Variants in BFSP2 observed in about 807,000 individuals in gnomAD.
BFSP2 encodes beaded filament structural protein 2.
BFSP2 carries 38 observed loss-of-function variants against 44.9 expected under a neutral mutation model. That is an observed-to-expected ratio of 0.85 (90% confidence interval 0.65 to 1.11). BFSP2 has a LOEUF of 1.11. Ranked by LOEUF, BFSP2 falls within the 50% of genes least tolerant of loss-of-function variation. The pLI is 0.00. For synonymous variants in BFSP2, 197 were observed against 209.9 expected, an observed-to-expected ratio of 0.94 and a Z score of 0.53; for missense variants, 525 against 533.0, an observed-to-expected ratio of 0.99 and a Z score of 0.15.
rs139362289 is a variant in BFSP2, at chr3:133,446,654, G to A, written c.490-663G>A. On this transcript the variant is annotated intron_variant, in intron 1 of 6. Transcript: ENST00000302334. ...TATATATATATAAAGGAGTTTCTTG[G>A]GTTGAAGGGAGGACACCCCTCATTC... Among the ~76,000 whole-genome samples, 3 of 106,798 alleles carry A rather than the reference G, an allele frequency of 2.8e-5. No homozygotes were observed. In the East Asian group the frequency reaches 1.0e-3, roughly 36 times the overall value. 70.1% of individuals were successfully genotyped at this position (106,798 alleles called of 152,430 possible).
intron 1 of BFSP2, among the ~76,000 whole-genome samples, chr3:133,406,754 T>C (rs2073407987): frequency 6.6e-6 from 1 of 152,162 alleles, no homozygotes; most frequent in African/African-American, 2.4e-5. Flanking sequence ...TTAGAGGCAG[T>C]AGTCAATATG....
intron 1 of BFSP2, among the ~76,000 whole-genome samples, chr3:133,443,913 C>T (rs1247538474): frequency 6.6e-6 from 1 of 152,048 alleles, no homozygotes; most frequent in Non-Finnish European, 1.5e-5. Flanking sequence ...CTTGTATTTG[C>T]CTTTCCTTTA....
At chr3:133,407,039 A>C (rs2073410858) in intron 1 of BFSP2, among the ~76,000 whole-genome samples, 1 of 152,126 alleles carries the variant, frequency 6.6e-6, no homozygotes, top group Non-Finnish European at 1.5e-5. Flanking sequence ...CTACAACTGC[A>C]CTCCAGCCTG....
chr3:133,428,430 C>T (rs1449064347), intron 1 of BFSP2, among the ~76,000 whole-genome samples: 2 of 151,102 alleles, frequency 1.3e-5, no homozygotes, highest in Admixed American at 6.6e-5. Flanking sequence ...CCACAGGGCC[C>T]AGCTGTGGGG....
At chr3:133,435,579 A>C (rs2073772928) in intron 1 of BFSP2, among the ~76,000 whole-genome samples, 1 of 152,256 alleles carries the variant, frequency 6.6e-6, no homozygotes, top group Non-Finnish European at 1.5e-5. Context: ...TGAGCTGGGC[A>C]AAACAGTGTT....
intron 4 of BFSP2, among the ~76,000 whole-genome samples, chr3:133,464,767 TA>T (rs1171954368): frequency 1.3e-5 from 2 of 152,162 alleles, no homozygotes; most frequent in Non-Finnish European, 2.9e-5. Flanking sequence ...TAATGAGTAT[TA>T]TTCTCCATTC....
At chr3:133,405,730 G>A (rs889467573) in intron 1 of BFSP2, among the ~76,000 whole-genome samples, 6 of 152,200 alleles carry the variant, frequency 3.9e-5, no homozygotes, top group African/African-American at 9.6e-5. Flanking sequence ...GTCAGAGCAG[G>A]CCAGTGGGGC....
chr3:133,451,248 C>T (rs2073962497), intron 4 of BFSP2, among the ~76,000 whole-genome samples: 1 of 151,764 alleles, frequency 6.6e-6, no homozygotes, highest in African/African-American at 2.4e-5. Context: ...TACCTATGTG[C>T]AGTAAAATAT....
At chr3:133,463,680 T>G (rs1023207739) in intron 4 of BFSP2, among the ~76,000 whole-genome samples, 1 of 152,242 alleles carries the variant, frequency 6.6e-6, no homozygotes, top group African/African-American at 2.4e-5. Context: ...GCCCAACTCC[T>G]GAGATCTTAT....
chr3:133,447,697 A>G (rs1055354628), intron 2 of BFSP2, among the ~76,000 whole-genome samples: 3 of 152,212 alleles, frequency 2.0e-5, no homozygotes, highest in Admixed American at 1.3e-4. Flanking sequence ...ACCCTGTTGA[A>G]TTTCTGACTC....
chr3:133,431,616 A>C (rs186516446), intron 1 of BFSP2, among the ~76,000 whole-genome samples: 3 of 152,158 alleles, frequency 2.0e-5, no homozygotes, highest in Non-Finnish European at 4.4e-5. Flanking sequence ...CGATCGCCTC[A>C]GAAGCCCCGC....
chr3:133,413,435 C>G (rs2073475483), intron 1 of BFSP2, among the ~76,000 whole-genome samples: 1 of 152,116 alleles, frequency 6.6e-6, no homozygotes, highest in Non-Finnish European at 1.5e-5. Flanking sequence ...TAAATTAAAA[C>G]TAATCCAGGC....
intron 1 of BFSP2, among the ~76,000 whole-genome samples, chr3:133,426,167 G>A (rs997826067): frequency 1.3e-5 from 2 of 151,772 alleles, no homozygotes; most frequent in Non-Finnish European, 2.9e-5. Flanking sequence ...CCCTCTTGGA[G>A]CATCTGCAGG....
chr3:133,466,679 A>AAAAAAAAAAG, intron 4 of BFSP2, 149 bp from the exon 5 acceptor site: 1 of 420,990 alleles, frequency 2.4e-6, no homozygotes, highest in Non-Finnish European at 4.0e-6. Context: ...CATCTCAACA[A>AAAAAAAAAAG]AAAAAAAAAA....
intron 1 of BFSP2, among the ~76,000 whole-genome samples, chr3:133,423,576 G>A (rs887190353): frequency 2.6e-4 from 40 of 151,626 alleles, no homozygotes; most frequent in Admixed American, 1.3e-4. Context: ...GGGGGCGGGG[G>A]TAGGAATGAG....
intron 1 of BFSP2, among the ~76,000 whole-genome samples, chr3:133,435,272 C>G (rs1022099526): frequency 3.9e-5 from 6 of 152,210 alleles, no homozygotes; most frequent in Admixed American, 3.9e-4. Flanking sequence ...AGCTAACTCT[C>G]AAAACACTCT....
intron 1 of BFSP2, among the ~76,000 whole-genome samples, chr3:133,432,092 C>T (rs929584593): frequency 6.6e-6 from 1 of 152,078 alleles, no homozygotes; most frequent in Non-Finnish European, 1.5e-5. Flanking sequence ...CACCCTTACC[C>T]CTCTCAACGC....
Position 133,472,476 on chromosome 3 carries a change from A to C in BFSP2, c.1155A>C (p.Gln385His), listed in dbSNP as rs1231210097. 1.2e-6 allele frequency: 2 copies of C among 1,613,692 alleles called. No individual in the cohort carries two copies. Among genetic ancestry groups the C allele is most frequent in the African/African-American group, 2.7e-5 (2 of 74,940 alleles). Reference sequence around the variant, plus strand: ...TCCGAGCGGAGGCGGAGCAGCAGCAACAGGAGCGCGCGCATCTGCTGGCCC... The same window carrying C: ...TCCGAGCGGAGGCGGAGCAGCAGCACCAGGAGCGCGCGCATCTGCTGGCCC... ...REIRAEAEQQ[Q>H]QERAHLLARK... The change falls in exon 6 of 7, where the codon CAA becomes CAC. Residue 385 changes from glutamine (Q) to histidine (H), a missense_variant. Coordinates refer to ENST00000302334, the MANE Select transcript of BFSP2 (RefSeq NM_003571.4).
intron 3 of BFSP2, among the ~76,000 whole-genome samples, chr3:133,449,622 T>C (rs894334540): frequency 3.3e-5 from 5 of 152,112 alleles, no homozygotes; most frequent in Middle Eastern, 3.4e-3. Flanking sequence ...TTCAAGCCTG[T>C]AATCCCAGCA....
Sources: gnomAD v4.1 joint callset for allele counts (sites outside exome capture counted in the v4.1 genomes callset) on GRCh38, gnomAD v4.1.1 for gene constraint, MANE v1.5 for transcripts, NCBI Gene and HGNC (gene_info 2026-07-23, HGNC 2026-07-21) for gene names.